Variants in MAP3K4 observed in about 807,000 individuals in gnomAD.
MAP3K4 encodes mitogen-activated protein kinase kinase kinase 4.
Under a neutral mutation model 185.6 loss-of-function variants are expected in MAP3K4, and 67 were observed. The ratio of observed to expected loss-of-function variants is 0.36; its 90% CI spans 0.30 to 0.44. The LOEUF is 0.44. MAP3K4 is among the 20% of genes least tolerant of loss of function. The pLI is 1.00. For synonymous variants in MAP3K4, 702 were observed against 710.4 expected (o/e 0.99, Z 0.19); for missense variants, 1,551 against 1,995.1 (o/e 0.78, Z 4.24).
rs1190949064 is a variant in MAP3K4 at position 161,091,666 on chromosome 6, A to G, written c.3135+126A>G. 1.2e-6 allele frequency: 1 copy of G among 813,890 alleles called. No individual in the cohort carries two copies. Among genetic ancestry groups the G allele is most frequent in the Non-Finnish European group, 2.0e-6 (1 of 512,292 alleles). 50.4% of individuals were successfully genotyped at this position (813,890 alleles called of 1,614,324 possible). A position where few individuals can be genotyped will look rare whatever the true frequency, so the allele number is the denominator to read the frequency against. ...ATAGCTTAATCAAGAATATCATCTT[A>G]TATCACTGCTGTATATCAGAGATGT... is the stretch of plus-strand genomic sequence containing the variant. On this transcript the variant is annotated intron_variant, in intron 12 of 26. Coordinates refer to ENST00000392142, the MANE Select transcript of MAP3K4 (RefSeq NM_005922.4). This position sits in a 1 kb window ranked among gnomAD's most constrained non-coding sequence, Gnocchi z 5.5.
intron 1 of MAP3K4, among the ~76,000 whole-genome samples, chr6:161,020,263 T>C (rs1782314943): frequency 7.0e-6 from 1 of 143,210 alleles, no homozygotes; most frequent in Non-Finnish European, 1.5e-5. Context: ...CTATGGACTT[T>C]TCTTTGTTTG....
In MAP3K4 at chr6:161,093,522, C is replaced by A. The variant is rs943746205; in HGVS notation, c.3349-251C>A. ...AGTAGAGACGATTACATGAAAAGTT[C>A]TTTGCTTGTACACGTTATTGTGTTA... On this transcript the variant is annotated intron_variant, in intron 14 of 26. Coordinates refer to ENST00000392142, the MANE Select transcript of MAP3K4 (RefSeq NM_005922.4). The surrounding 1 kb of genome is among the most constrained non-coding windows in gnomAD (Gnocchi z 5.2). Among the ~76,000 whole-genome samples the A allele has an allele frequency of 1.3e-5, 2 of 152,102 alleles. No individual in the cohort carries two copies. The highest frequency in any genetic ancestry group is 4.8e-5 in the African/African-American group (2 of 41,426).
chr6:160,992,665 G>A (rs1204900468), intron 1 of MAP3K4, among the ~76,000 whole-genome samples: 1 of 152,190 alleles, frequency 6.6e-6, no homozygotes, highest in African/African-American at 2.4e-5. Context: ...TTTAGTGCTA[G>A]TATTGTGCAG....
Position 161,091,296 on chromosome 6 carries a change from G to A in MAP3K4, c.2974-83G>A. 8.4e-7 allele frequency: 1 copy of A among 1,193,870 alleles called. No individual in the cohort carries two copies. Among genetic ancestry groups the A allele is most frequent in the East Asian group, 2.5e-5 (1 of 39,698 alleles). 74.0% of individuals were successfully genotyped at this position (1,193,870 alleles called of 1,614,324 possible). On this transcript the variant is annotated intron_variant, in intron 11 of 26. Transcript: ENST00000392142. This position sits in a 1 kb window ranked among gnomAD's most constrained non-coding sequence, Gnocchi z 5.5. Reference sequence around the variant, plus strand: ...TTGTAGTGGTTAATGTCTGTGTGATGATGAACGAAATCTTCCTTTAAAATG... The same window carrying A: ...TTGTAGTGGTTAATGTCTGTGTGATAATGAACGAAATCTTCCTTTAAAATG...
chr6:161,066,782 G>T (rs1232022157), intron 3 of MAP3K4, among the ~76,000 whole-genome samples: 1 of 152,132 alleles, frequency 6.6e-6, no homozygotes, highest in African/African-American at 2.4e-5. Flanking sequence ...GACTGTGGAG[G>T]TCTGGCTGTT....
chr6:161,032,339 A>C (rs924421215), intron 1 of MAP3K4, among the ~76,000 whole-genome samples: 17 of 151,976 alleles, frequency 1.1e-4, no homozygotes, highest in Non-Finnish European at 1.6e-4. Context: ...GAGCACAGTG[A>C]CCTCCCAAGG....
chr6:161,115,326 T>C lies in MAP3K4; in HGVS notation c.4806+24T>C, dbSNP rs1335361754. ...AGGTTTGGCAGATTACTGGATAGTC[T>C]TTTTCATGTTTAAGTGTTTAAGTTC... On this transcript the variant is annotated intron_variant, in intron 26 of 26. Transcript: ENST00000392142. This position sits in a 1 kb window ranked among gnomAD's most constrained non-coding sequence, Gnocchi z 6.0. 1 of 1,581,464 alleles carries C rather than the reference T, an allele frequency of 6.3e-7. No homozygotes were observed. The highest frequency in any genetic ancestry group is 2.2e-5 in the East Asian group (1 of 44,524).
Position 161,084,286 on chromosome 6 carries a change from A to T in MAP3K4, c.2256-215A>T, listed in dbSNP as rs954707738. On this transcript the variant is annotated intron_variant, in intron 6 of 26. Transcript: ENST00000392142. The surrounding 1 kb of genome is among the most constrained non-coding windows in gnomAD (Gnocchi z 4.6). ...TTAAGATTTTAAGGTTTATATTGAG[A>T]TACTGTGGTAGTAGAACAAAGGTAG... Among the ~76,000 whole-genome samples, 1 of 152,222 alleles carries T rather than the reference A, an allele frequency of 6.6e-6. No individual in the cohort carries two copies. Among genetic ancestry groups the T allele is most frequent in the Admixed American group, 6.5e-5 (1 of 15,278 alleles).
intron 4 of MAP3K4, among the ~76,000 whole-genome samples, chr6:161,072,414 A>G (rs1303530167): frequency 1.3e-5 from 2 of 152,194 alleles, no homozygotes; most frequent in East Asian, 1.9e-4. Context: ...CTTCCTACAC[A>G]TACAAGTAAG....
At chr6:161,021,463 C>T (rs1276747003) in intron 1 of MAP3K4, among the ~76,000 whole-genome samples, 1 of 152,178 alleles carries the variant, frequency 6.6e-6, no homozygotes, top group African/African-American at 2.4e-5. Flanking sequence ...CTTAGCAGCC[C>T]CCCACTTTCT....
In MAP3K4 at chr6:161,084,167, T is replaced by C. The variant is rs572226349; in HGVS notation, c.2256-334T>C. 2.0e-5 allele frequency among the ~76,000 whole-genome samples: 3 copies of C among 152,364 alleles called. No homozygotes were observed. The highest frequency in any genetic ancestry group is 2.0e-4 in the Admixed American group (3 of 15,308). On this transcript the variant is annotated intron_variant, in intron 6 of 26. Coordinates refer to ENST00000392142, the MANE Select transcript of MAP3K4 (RefSeq NM_005922.4). The surrounding 1 kb of genome is among the most constrained non-coding windows in gnomAD (Gnocchi z 4.6). ...TTTAAGGAATTCCCTTTCCCTCTTA[T>C]CCTATCATTTAGTTTGAGGCCATTT...
Position 161,073,336 on chromosome 6 carries a change from G to A in MAP3K4, c.1951-130G>A, listed in dbSNP as rs1785030836. On this transcript the variant is annotated intron_variant, in intron 4 of 26. Coordinates refer to ENST00000392142, the MANE Select transcript of MAP3K4 (RefSeq NM_005922.4). This position sits in a 1 kb window ranked among gnomAD's most constrained non-coding sequence, Gnocchi z 4.2. The stretch of plus-strand genomic sequence containing the variant: ...ATAAAATGAACTGATCAAGAATCTA[G>A]AAACTATTGTAGGTTTTTTAGAGGC... The A allele has an allele frequency of 2.6e-5, 20 of 771,932 alleles. No individual in the cohort carries two copies. Among genetic ancestry groups the A allele is most frequent in the Non-Finnish European group, 3.9e-5 (20 of 510,340 alleles). 47.8% of individuals were successfully genotyped at this position (771,932 alleles called of 1,614,324 possible). A position where few individuals can be genotyped will look rare whatever the true frequency, so the allele number is the denominator to read the frequency against.
At position 161,054,071 on chromosome 6, in the gene MAP3K4, TA is replaced by T. The variant is rs1784128412; in HGVS notation, c.1707+4093del. ...GATTTTTCTTATCTATGTCTTTATA[TA>T]TTTTTTGATTACGTTACTTATAACC... On this transcript the variant is annotated intron_variant, in intron 3 of 26. Transcript: ENST00000392142. The surrounding 1 kb of genome is among the most constrained non-coding windows in gnomAD (Gnocchi z 4.2). Among the ~76,000 whole-genome samples the T allele has an allele frequency of 6.6e-6, 1 of 152,250 alleles. No individual in the cohort carries two copies. The highest frequency in any genetic ancestry group is 2.1e-4 in the South Asian group (1 of 4,832).
chr6:161,104,240 C>T (rs554863135), intron 19 of MAP3K4, among the ~76,000 whole-genome samples: 2 of 151,570 alleles, frequency 1.3e-5, no homozygotes, highest in South Asian at 2.1e-4. Flanking sequence ...CATGGAGAAA[C>T]CCCATCTCTA....
In MAP3K4 at chr6:161,053,671, A is replaced by G. The variant is rs185427466; in HGVS notation, c.1707+3692A>G. Among the ~76,000 whole-genome samples, 994 of 150,602 alleles carry G rather than the reference A, an allele frequency of 6.6e-3. 6 individuals carry two copies. Among genetic ancestry groups the G allele is most frequent in the Non-Finnish European group, 8.4e-3 (570 of 67,496 alleles). ...TAATGGGAAGATCTCGGCTCACTGC[A>G]ACCTCTGTCTCCCGGGTTCAGGCAA... On this transcript the variant is annotated intron_variant, in intron 3 of 26. Coordinates refer to ENST00000392142, the MANE Select transcript of MAP3K4 (RefSeq NM_005922.4). This position sits in a 1 kb window ranked among gnomAD's most constrained non-coding sequence, Gnocchi z 4.2.
intron 1 of MAP3K4, chr6:160,992,407 C>G: frequency 2.4e-6 from 1 of 411,402 alleles, no homozygotes; most frequent in Non-Finnish European, 4.3e-6. Context: ...CTGCCGCTAG[C>G]TTCGGAAGAG....
intron 1 of MAP3K4, among the ~76,000 whole-genome samples, chr6:161,023,529 T>C (rs1383980300): frequency 6.6e-6 from 1 of 152,224 alleles, no homozygotes; most frequent in Non-Finnish European, 1.5e-5. Context: ...AGAAAAGACA[T>C]GATTTATGGC....
intron 2 of MAP3K4, among the ~76,000 whole-genome samples, chr6:161,040,331 A>G (rs1783393561): frequency 6.6e-6 from 1 of 152,100 alleles, no homozygotes; most frequent in South Asian, 2.1e-4. Flanking sequence ...TGTGCAACCT[A>G]CACACACACA....
intron 2 of MAP3K4, among the ~76,000 whole-genome samples, chr6:161,046,404 G>A (rs1005635650): frequency 6.6e-6 from 1 of 151,978 alleles, no homozygotes; most frequent in Admixed American, 6.6e-5. Context: ...AGCATTTATA[G>A]CTAGAAACAA....
Sources: allele counts gnomAD v4.1 joint callset (sites outside exome capture counted in the v4.1 genomes callset), GRCh38; gene constraint gnomAD v4.1.1; non-coding constraint Gnocchi (gnomAD v3.1); transcripts MANE v1.5; gene names NCBI Gene and HGNC (gene_info 2026-07-23, HGNC 2026-07-21).